The following SLC25A16 variants were observed in gnomAD, a reference collection of about 807,000 sequenced individuals.
SLC25A16 encodes mitochondrial coenzyme A transporter SLC25A16.
Under a neutral mutation model 41.5 loss-of-function variants are expected in SLC25A16, and 39 were observed. The ratio of observed to expected loss-of-function variants is 0.94; its 90% confidence interval spans 0.73 to 1.23. The LOEUF (loss-of-function observed/expected upper bound fraction) is 1.23, where lower values mean the gene tolerates loss of function less well. SLC25A16 is among the 50% of genes most tolerant of loss of function. The pLI is 0.00. For missense variants in SLC25A16, 421 were observed against 426.9 expected (o/e 0.99, Z 0.12); for synonymous variants, 146 against 147.8 (o/e 0.99, Z 0.09).
intron 6 of SLC25A16, 37 bp from the exon 7 acceptor site, chr10:68,488,666 C>A (rs1282952652): frequency 6.5e-7 from 1 of 1,527,808 alleles, no homozygotes; most frequent in African/African-American, 1.4e-5. Flanking sequence ...TGATGCTTAA[C>A]ATAACATGAG....
At chr10:68,485,798 A>ATTTTT (rs574917604) in intron 8 of SLC25A16, among the ~76,000 whole-genome samples, 3 of 123,244 alleles carry the variant, frequency 2.4e-5, no homozygotes, top group African/African-American at 9.2e-5. Flanking sequence ...CCTAAGCAAT[A>ATTTTT]TTTTTTTTTT....
intron 2 of SLC25A16, among the ~76,000 whole-genome samples, chr10:68,510,655 A>C (rs1005722685): frequency 1.3e-5 from 2 of 152,034 alleles, no homozygotes; most frequent in African/African-American, 4.8e-5. Context: ...CCTGGCTAAC[A>C]CGGAAAAACT....
intron 1 of SLC25A16, among the ~76,000 whole-genome samples, chr10:68,526,662 G>A (rs2053343043): frequency 6.6e-6 from 1 of 152,154 alleles, no homozygotes; most frequent in African/African-American, 2.4e-5. Flanking sequence ...ATTAAGGAAG[G>A]GTGGAGCTTG....
intron 8 of SLC25A16, among the ~76,000 whole-genome samples, chr10:68,483,794 C>G (rs1343933124): frequency 6.6e-6 from 1 of 152,110 alleles, no homozygotes; most frequent in Non-Finnish European, 1.5e-5. Context: ...TCCTGAGTAG[C>G]TGGGATTACA....
intron 4 of SLC25A16, chr10:68,499,445 A>G (rs1345646736): frequency 6.1e-6 from 1 of 164,756 alleles, no homozygotes. Context: ...CAACTAAAAC[A>G]TACGTGGGGA....
chr10:68,517,055 T>C (rs1172986858), intron 1 of SLC25A16: 19 of 1,244,452 alleles, frequency 1.5e-5, no homozygotes, highest in Non-Finnish European at 1.8e-5. Flanking sequence ...CTAAAACAAA[T>C]TTTAGTAGTG....
chr10:68,494,878 T>TA (rs548778691), intron 4 of SLC25A16, among the ~76,000 whole-genome samples: 12,273 of 119,446 alleles, frequency 0.1, 796 homozygotes, highest in South Asian at 0.27. Flanking sequence ...AAACTGCATC[T>TA]AAAAAAAAAA....
chr10:68,526,973 C>G (rs2053347684), intron 1 of SLC25A16, among the ~76,000 whole-genome samples: 1 of 152,228 alleles, frequency 6.6e-6, no homozygotes, highest in South Asian at 2.1e-4. Context: ...CTCCTCTTTT[C>G]CCTGTTATCC....
intron 2 of SLC25A16, among the ~76,000 whole-genome samples, chr10:68,513,227 A>G (rs1469818163): frequency 6.6e-6 from 1 of 151,200 alleles, no homozygotes; most frequent in African/African-American, 2.4e-5. Flanking sequence ...GGCCAAACAT[A>G]GTGAAACCCC....
At position 68,484,337 on chromosome 10, in the gene SLC25A16, A is replaced by G. The variant is rs74143085; in HGVS notation, c.843-749T>C. Among the ~76,000 whole-genome samples, 439 of 152,232 alleles carry G rather than the reference A, an allele frequency of 2.9e-3. 2 individuals carry two copies. Among genetic ancestry groups the G allele is most frequent in the African/African-American group, 0.01 (427 of 41,560 alleles). ...TCAGCAATGAACACTTTCCTGTTTC[A>G]GAGTTGTTCCTTTCCTTTCAAACCA... is the stretch of plus-strand genomic sequence containing the variant. On this transcript the variant is annotated intron_variant, in intron 8 of 8. Coordinates refer to ENST00000609923, the MANE Select transcript of SLC25A16 (RefSeq NM_152707.4).
chr10:68,512,638 CAAAAAAAAA>C (rs1163431016), intron 2 of SLC25A16, among the ~76,000 whole-genome samples: 2 of 17,148 alleles, frequency 1.2e-4, no homozygotes, highest in Non-Finnish European at 2.2e-4. Context: ...GACTCCGTCT[CAAAAAAAAA>C]AAAAAAAAAA....
intron 6 of SLC25A16, among the ~76,000 whole-genome samples, chr10:68,489,305 G>A: frequency 6.6e-6 from 1 of 151,934 alleles, no homozygotes; most frequent in South Asian, 2.1e-4. Context: ...AAACAGTGAT[G>A]GTGATAATGT....
At chr10:68,517,334 A>AT in intron 1 of SLC25A16, 1 of 777,388 alleles carries the variant, frequency 1.3e-6, no homozygotes, top group Non-Finnish European at 1.6e-6. Context: ...TACATTCAGC[A>AT]AATATGTATT....
intron 2 of SLC25A16, among the ~76,000 whole-genome samples, chr10:68,515,867 A>G (rs1393741305): frequency 6.6e-6 from 1 of 152,196 alleles, no homozygotes; most frequent in African/African-American, 2.4e-5. Flanking sequence ...CCTGTGAACA[A>G]TGTGACTAAT....
intron 6 of SLC25A16, among the ~76,000 whole-genome samples, chr10:68,488,985 G>A (rs1376470772): frequency 6.6e-6 from 1 of 151,998 alleles, no homozygotes; most frequent in African/African-American, 2.4e-5. Context: ...AAATAACAAT[G>A]ATGGCCGGGC....
Position 68,527,301 on chromosome 10 carries a change from G to C in SLC25A16, c.75C>G (p.Ala25=). 4.5e-6 allele frequency: 7 copies of C among 1,545,228 alleles called. No homozygotes were observed. The highest frequency in any genetic ancestry group is 2.5e-5 in the East Asian group (1 of 40,202). The part of the protein sequence containing the change: ...PPPAMPQAAG[A]GGPTTRRDFY... ...AGTCTCTGCGGGTTGTGGGCCCTCCGGCCCCTGCCGCCTGCGGCATTGCGG... is the reference window on the plus strand; with the variant it reads ...AGTCTCTGCGGGTTGTGGGCCCTCCCGCCCCTGCCGCCTGCGGCATTGCGG... The change falls in exon 1 of 9, where the codon GCC becomes GCG. Residue 25 remains alanine, a synonymous_variant. Coordinates refer to ENST00000609923, the MANE Select transcript of SLC25A16 (RefSeq NM_152707.4).
intron 4 of SLC25A16, among the ~76,000 whole-genome samples, chr10:68,494,702 C>A (rs1674946146): frequency 7.2e-6 from 1 of 139,656 alleles, no homozygotes; most frequent in African/African-American, 2.5e-5. Flanking sequence ...CATGGTGAAA[C>A]CCCATCTCTA....
chr10:68,501,282 T>C (rs772542504), intron 4 of SLC25A16, among the ~76,000 whole-genome samples: 2 of 151,952 alleles, frequency 1.3e-5, no homozygotes, highest in African/African-American at 2.4e-5. Flanking sequence ...AAATAACACA[T>C]TGAAAAATTT....
At chr10:68,519,975 CTTT>C (rs368687197) in intron 1 of SLC25A16, among the ~76,000 whole-genome samples, 5 of 101,944 alleles carry the variant, frequency 4.9e-5, no homozygotes, top group Non-Finnish European at 9.8e-5. Flanking sequence ...ATAATAGTAT[CTTT>C]TTTTTTTTTT....
Sources: allele counts gnomAD v4.1 joint callset (sites outside exome capture counted in the v4.1 genomes callset), GRCh38; gene constraint gnomAD v4.1.1; transcripts MANE v1.5; gene names NCBI Gene and HGNC (gene_info 2026-07-23, HGNC 2026-07-21).